The following SLC71A2 variants were observed in gnomAD, a reference collection of about 807,000 sequenced individuals.
The protein encoded by SLC71A2 is hippocampus abundant transcript-like 1.
chr9:94,449,112 TAAAA>T, the SLC71A2 span, among the ~76,000 whole-genome samples: 5 of 151,162 alleles, frequency 3.3e-5, no homozygotes, highest in Admixed American at 2.6e-4. Flanking sequence ...GGAAGAAAGC[TAAAA>T]AAAAAGTTAC....
chr9:94,417,871 C>G, the SLC71A2 span, among the ~76,000 whole-genome samples: 2 of 75,946 alleles, frequency 2.6e-5, no homozygotes, highest in African/African-American at 4.7e-5. Flanking sequence ...CCCCCCCCCC[C>G]CCCCCGACAG....
At chr9:94,460,476 C>CT in the SLC71A2 span, 2 of 151,500 alleles carry the variant, frequency 1.3e-5, no homozygotes, top group African/African-American at 4.9e-5. Flanking sequence ...AAGTTCCTTT[C>CT]TAAAATAAGG....
At chr9:94,396,327 G>GCAA in the SLC71A2 span, among the ~76,000 whole-genome samples, 1 of 152,116 alleles carries the variant, frequency 6.6e-6, no homozygotes, top group East Asian at 1.9e-4. Flanking sequence ...ACCAGCCTAG[G>GCAA]CAACATACTG....
chr9:94,402,966 A>G, the SLC71A2 span, among the ~76,000 whole-genome samples: 73,561 of 151,656 alleles, frequency 0.49, 18,111 homozygotes, highest in East Asian at 0.6. Context: ...CATTACCACT[A>G]TCTGTCTCTA....
the SLC71A2 span, among the ~76,000 whole-genome samples, chr9:94,398,453 C>T: frequency 1.2e-4 from 18 of 152,254 alleles, no homozygotes; most frequent in African/African-American, 3.9e-4. Flanking sequence ...GTGCATTCAT[C>T]TTAATGATTA....
the SLC71A2 span, among the ~76,000 whole-genome samples, chr9:94,431,780 C>T: frequency 7.9e-5 from 12 of 152,026 alleles, no homozygotes; most frequent in African/African-American, 2.2e-4. Flanking sequence ...GACGTCCCAG[C>T]GTTAGATCAA....
the SLC71A2 span, among the ~76,000 whole-genome samples, chr9:94,455,716 T>C: frequency 9.8e-5 from 15 of 152,294 alleles, no homozygotes; most frequent in South Asian, 3.1e-3. Flanking sequence ...TTCATACTGA[T>C]ACATAGTTAA....
At chr9:94,451,480 A>G in the SLC71A2 span, 5 of 1,572,742 alleles carry the variant, frequency 3.2e-6, no homozygotes, top group Non-Finnish European at 4.3e-6. Flanking sequence ...ATCTGTTAAA[A>G]TTGCAGCATT....
chr9:94,403,081 A>G, the SLC71A2 span, among the ~76,000 whole-genome samples: 11 of 152,288 alleles, frequency 7.2e-5, no homozygotes, highest in African/African-American at 2.6e-4. Flanking sequence ...TAATTACTGT[A>G]GGTACCTCAT....
chr9:94,447,150 G>A, the SLC71A2 span, among the ~76,000 whole-genome samples: 1 of 151,654 alleles, frequency 6.6e-6, no homozygotes, highest in South Asian at 2.1e-4. Flanking sequence ...TTTTTCTTGA[G>A]AATTAACCAG....
At chr9:94,452,674 TATTCA>T in the SLC71A2 span, among the ~76,000 whole-genome samples, 2 of 55,256 alleles carry the variant, frequency 3.6e-5, no homozygotes, top group African/African-American at 8.9e-5. Flanking sequence ...TATTCATATA[TATTCA>T]TATATTCATA....
chr9:94,404,721 A>G, the SLC71A2 span, among the ~76,000 whole-genome samples: 1 of 152,100 alleles, frequency 6.6e-6, no homozygotes, highest in African/African-American at 2.4e-5. Context: ...AAAGTTTATT[A>G]TATATTCTAG....
the SLC71A2 span, among the ~76,000 whole-genome samples, chr9:94,403,090 A>G: frequency 4.6e-5 from 7 of 152,134 alleles, no homozygotes; most frequent in African/African-American, 1.7e-4. Flanking sequence ...TAGGTACCTC[A>G]TATAAGTGAA....
the SLC71A2 span, among the ~76,000 whole-genome samples, chr9:94,427,051 C>G: frequency 5.3e-5 from 8 of 152,232 alleles, no homozygotes; most frequent in East Asian, 1.5e-3. Flanking sequence ...AAGCTTTGAT[C>G]TTCTCTGAGA....
chr9:94,428,054 C>T, the SLC71A2 span, among the ~76,000 whole-genome samples: 10 of 151,314 alleles, frequency 6.6e-5, no homozygotes, highest in East Asian at 1.9e-4. Flanking sequence ...ACCTGAGAGG[C>T]GGGGGTTGCA....
chr9:94,382,201 AT>A, the SLC71A2 span, among the ~76,000 whole-genome samples: 69 of 151,468 alleles, frequency 4.6e-4, no homozygotes, highest in Non-Finnish European at 7.8e-4. Flanking sequence ...TAATTTTTTA[AT>A]TTTTTATAGA....
chr9:94,431,368 C>T, the SLC71A2 span, among the ~76,000 whole-genome samples: 5 of 150,948 alleles, frequency 3.3e-5, no homozygotes, highest in East Asian at 1.9e-4. Flanking sequence ...CATTGTAGTT[C>T]GTTATTTTCA....
chr9:94,456,136 CAGG>C, the SLC71A2 span: 7 of 667,362 alleles, frequency 1.0e-5, no homozygotes, highest in African/African-American at 1.8e-5. Flanking sequence ...TAAAATGTAA[CAGG>C]AGAAAACAAG....
At chr9:94,420,581 T>A in the SLC71A2 span, among the ~76,000 whole-genome samples, 1 of 151,904 alleles carries the variant, frequency 6.6e-6, no homozygotes, top group Non-Finnish European at 1.5e-5. Context: ...CTTGTAGATA[T>A]TGGGTTTATA....
Sources: allele counts gnomAD v4.1 joint callset (sites outside exome capture counted in the v4.1 genomes callset), GRCh38; gene constraint gnomAD v4.1.1; transcripts MANE v1.5; gene names NCBI Gene and HGNC (gene_info 2026-07-23, HGNC 2026-07-21).